MAPKAP1: variants seen among roughly 807,000 people sequenced by gnomAD.
MAPKAP1 encodes target of rapamycin complex 2 subunit MAPKAP1.
In MAPKAP1, 20 loss-of-function variants were observed where a neutral mutation model predicts 65.7. The ratio of observed to expected loss-of-function variants is 0.30; its 90% confidence interval spans 0.21 to 0.44. MAPKAP1 has a LOEUF of 0.44. Among genes scored for constraint, MAPKAP1 ranks in the 20% least tolerant of loss-of-function variants. The pLI is 1.00. For missense variants in MAPKAP1, 423 were observed against 648.0 expected (o/e 0.65, Z 3.77); for synonymous variants, 222 against 244.3 (o/e 0.91, Z 0.85).
At chr9:125,656,682 G>A (rs1473160546) in intron 4 of MAPKAP1, among the ~76,000 whole-genome samples, 1 of 151,956 alleles carries the variant, frequency 6.6e-6, no homozygotes, top group Non-Finnish European at 1.5e-5. Flanking sequence ...TAACTGCAAT[G>A]GCGCTGAAGT....
intron 8 of MAPKAP1, among the ~76,000 whole-genome samples, chr9:125,494,533 G>A (rs890030186): frequency 6.6e-5 from 10 of 152,294 alleles, no homozygotes; most frequent in Admixed American, 3.3e-4. Context: ...GTTTTATGAG[G>A]TAGTCAGAAA....
chr9:125,638,388 G>C (rs1833485445), intron 4 of MAPKAP1, among the ~76,000 whole-genome samples: 1 of 152,296 alleles, frequency 6.6e-6, no homozygotes, highest in Non-Finnish European at 1.5e-5. Flanking sequence ...GCTGACCTTA[G>C]GGACACACAC....
intron 1 of MAPKAP1, among the ~76,000 whole-genome samples, chr9:125,676,590 C>A (rs1834651774): frequency 6.6e-6 from 1 of 152,152 alleles, no homozygotes; most frequent in Non-Finnish European, 1.5e-5. Context: ...GAAAGTCTAA[C>A]AGCAGTTGCT....
intron 6 of MAPKAP1, among the ~76,000 whole-genome samples, chr9:125,555,493 G>T (rs576455030): frequency 6.6e-6 from 1 of 152,240 alleles, no homozygotes; most frequent in African/African-American, 2.4e-5. Flanking sequence ...GGGAATAGCC[G>T]GTGTGAGGGC....
In MAPKAP1 at chr9:125,595,982, G is replaced by C; in HGVS notation, c.499-10255C>G. On this transcript the variant is annotated intron_variant, in intron 4 of 11. Transcript: ENST00000265960. The surrounding 1 kb of genome is among the most constrained non-coding windows in gnomAD (Gnocchi z 4.0). Reference sequence around the variant, plus strand: ...CAGGTGCCCACTTAACTGTGAAAAAGATATTTGTTGGTGGCATTAAAGAAG... The same window carrying C: ...CAGGTGCCCACTTAACTGTGAAAAACATATTTGTTGGTGGCATTAAAGAAG... The C allele has an allele frequency of 3.3e-6, 5 of 1,525,198 alleles. No homozygotes were observed. Among genetic ancestry groups the C allele is most frequent in the Non-Finnish European group, 3.6e-6 (4 of 1,114,950 alleles). The allele number at this position is 1,525,198 out of a possible 1,614,324, so 94.5% of individuals were successfully genotyped here.
chr9:125,563,341 T>G (rs1295783644), intron 5 of MAPKAP1, among the ~76,000 whole-genome samples: 2 of 152,214 alleles, frequency 1.3e-5, no homozygotes, highest in African/African-American at 4.8e-5. Flanking sequence ...ACAGGGATTT[T>G]GCAGACACAA....
At chr9:125,695,046 T>C (rs1444488135) in intron 1 of MAPKAP1, among the ~76,000 whole-genome samples, 22 of 152,242 alleles carry the variant, frequency 1.4e-4, no homozygotes, top group Admixed American at 1.4e-3. Flanking sequence ...TGAATTCTTA[T>C]TGTGTTTGTT....
chr9:125,468,396 G>T (rs1853766682), intron 9 of MAPKAP1, among the ~76,000 whole-genome samples: 1 of 152,290 alleles, frequency 6.6e-6, no homozygotes, highest in South Asian at 2.1e-4. Flanking sequence ...GATATAACAT[G>T]GATCCAACAC....
At chr9:125,578,245 G>C (rs2131560557) in intron 5 of MAPKAP1, among the ~76,000 whole-genome samples, 1 of 152,178 alleles carries the variant, frequency 6.6e-6, no homozygotes, top group Middle Eastern at 3.4e-3. Context: ...TGCTCGTTAG[G>C]AGTCATCACC....
intron 7 of MAPKAP1, among the ~76,000 whole-genome samples, chr9:125,519,471 A>G (rs1829557321): frequency 6.6e-6 from 1 of 151,896 alleles, no homozygotes; most frequent in Admixed American, 6.6e-5. Flanking sequence ...CCGTCTCTAC[A>G]GAAAATAAAA....
intron 8 of MAPKAP1, among the ~76,000 whole-genome samples, chr9:125,502,352 C>A (rs1358266421): frequency 6.6e-6 from 1 of 152,086 alleles, no homozygotes; most frequent in Non-Finnish European, 1.5e-5. Flanking sequence ...TCCACCGGCT[C>A]GGCCTCCCAA....
At chr9:125,594,803 T>C (rs943082071) in intron 4 of MAPKAP1, among the ~76,000 whole-genome samples, 2 of 152,170 alleles carry the variant, frequency 1.3e-5, no homozygotes, top group South Asian at 2.1e-4. Flanking sequence ...GGTTTCATGC[T>C]AGCTGGCTAA....
intron 8 of MAPKAP1, among the ~76,000 whole-genome samples, chr9:125,494,602 C>G (rs1205809424): frequency 6.6e-6 from 1 of 152,166 alleles, no homozygotes; most frequent in Non-Finnish European, 1.5e-5. Context: ...GCGGGGCCTA[C>G]GAGGCTCTGC....
chr9:125,681,703 C>T (rs1834826806), intron 1 of MAPKAP1, among the ~76,000 whole-genome samples: 1 of 152,198 alleles, frequency 6.6e-6, no homozygotes, highest in African/African-American at 2.4e-5. Flanking sequence ...CCTACAGTAA[C>T]ACACCATAAG....
chr9:125,706,663 T>A lies in MAPKAP1; in HGVS notation c.-70+308A>T, dbSNP rs77683744. Among the ~76,000 whole-genome samples, 528 of 152,118 alleles carry A rather than the reference T, an allele frequency of 3.5e-3. 19 individuals are homozygous for A. In the East Asian group the frequency reaches 0.087, roughly 25 times the overall value. On this transcript the variant is annotated intron_variant, in intron 1 of 11. Coordinates refer to ENST00000265960, the MANE Select transcript of MAPKAP1 (RefSeq NM_001006617.3). ...CTTGAAAACCTTGATTTTCACATTA[T>A]GAAGACCAGGGCACCTAGATATTGC...
intron 4 of MAPKAP1, among the ~76,000 whole-genome samples, chr9:125,644,101 G>A (rs1486675255): frequency 6.6e-6 from 1 of 152,210 alleles, no homozygotes; most frequent in African/African-American, 2.4e-5. Flanking sequence ...GAGGTTAAGA[G>A]GGGAATGGAG....
intron 1 of MAPKAP1, among the ~76,000 whole-genome samples, chr9:125,687,214 G>A (rs1835010390): frequency 6.6e-6 from 1 of 151,352 alleles, no homozygotes; most frequent in African/African-American, 2.4e-5. Flanking sequence ...TATCTTCAGA[G>A]TGTTATCATA....
intron 9 of MAPKAP1, among the ~76,000 whole-genome samples, chr9:125,469,283 T>G (rs1853805877): frequency 6.6e-6 from 1 of 152,110 alleles, no homozygotes; most frequent in Non-Finnish European, 1.5e-5. Context: ...CTCAAATTTT[T>G]GAACAAAATG....
intron 4 of MAPKAP1, chr9:125,596,087 C>A: frequency 9.9e-7 from 1 of 1,011,046 alleles, no homozygotes; most frequent in Non-Finnish European, 1.6e-6. Flanking sequence ...CTGACCGAGG[C>A]AGTGGCAAGA....
Sources: allele counts gnomAD v4.1 joint callset (sites outside exome capture counted in the v4.1 genomes callset), GRCh38; gene constraint gnomAD v4.1.1; non-coding constraint Gnocchi (gnomAD v3.1); transcripts MANE v1.5; gene names NCBI Gene and HGNC (gene_info 2026-07-23, HGNC 2026-07-21).